Variants in DOK6 observed in about 807,000 individuals in gnomAD.
DOK6 encodes docking protein 6.
A neutral mutation model predicts 44.0 loss-of-function variants in DOK6; 22 were observed. The ratio of observed to expected loss-of-function variants is 0.50; its 90% confidence interval spans 0.36 to 0.71. The LOEUF (loss-of-function observed/expected upper bound fraction) is 0.71. Ranked by LOEUF, DOK6 falls within the 30% of genes least tolerant of loss-of-function variation. The pLI, the probability that DOK6 is intolerant of heterozygous loss-of-function variation, is 0.00. For missense variants in DOK6, 340 were observed against 416.4 expected (o/e 0.82, Z 1.60); for synonymous variants, 166 against 145.5 (o/e 1.14, Z -1.01).
intron 3 of DOK6, among the ~76,000 whole-genome samples, chr18:69,617,730 G>GAAAGAAAGAAAGAAAGAAAGAA: frequency 1.1e-5 from 1 of 88,872 alleles, no homozygotes; most frequent in South Asian, 5.1e-4. Flanking sequence ...AAAGAAAAAA[G>GAAAGAAAGAAAGAAAGAAAGAA]GGGGAAGGAG....
chr18:69,688,084 C>T (rs1284043847), intron 4 of DOK6, among the ~76,000 whole-genome samples: 5 of 151,846 alleles, frequency 3.3e-5, no homozygotes, highest in African/African-American at 1.2e-4. Flanking sequence ...TATTAAAATA[C>T]CTTTTATAAA....
At chr18:69,796,160 A>G (rs1477829418) in intron 7 of DOK6, among the ~76,000 whole-genome samples, 2 of 152,210 alleles carry the variant, frequency 1.3e-5, no homozygotes, top group Non-Finnish European at 2.9e-5. Context: ...AGGTGAGCTC[A>G]GTAACAGCGT....
chr18:69,622,835 G>C (rs931912823), intron 3 of DOK6, among the ~76,000 whole-genome samples: 3 of 152,078 alleles, frequency 2.0e-5, no homozygotes, highest in African/African-American at 7.2e-5. Context: ...GAAAGATAAG[G>C]ATTTATAGGA....
At chr18:69,758,958 G>A (rs371035021) in intron 7 of DOK6, among the ~76,000 whole-genome samples, 1 of 152,146 alleles carries the variant, frequency 6.6e-6, no homozygotes, top group African/African-American at 2.4e-5. Context: ...AATGGAGTTC[G>A]ATCATGGAAA....
At chr18:69,517,458 G>T (rs908695174) in intron 1 of DOK6, among the ~76,000 whole-genome samples, 8 of 152,188 alleles carry the variant, frequency 5.3e-5, no homozygotes, top group African/African-American at 1.9e-4. Flanking sequence ...GACATTCTAG[G>T]CTCTATTTGA....
intron 5 of DOK6, chr18:69,725,052 C>T (rs950265618): frequency 6.6e-6 from 1 of 152,210 alleles, no homozygotes; most frequent in South Asian, 2.1e-4. Context: ...ATGATTCATT[C>T]ATTTCTACCA....
chr18:69,695,786 A>G (rs1986375562), intron 4 of DOK6, among the ~76,000 whole-genome samples: 1 of 152,250 alleles, frequency 6.6e-6, no homozygotes. Context: ...TTGAAAATTG[A>G]AAATATAAAT....
At position 69,533,532 on chromosome 18, in the gene DOK6, G is replaced by A. The variant is rs184093476; in HGVS notation, c.67-30955G>A. On this transcript the variant is annotated intron_variant, in intron 1 of 7. Transcript: ENST00000382713. ...TATAAGTATTAATCTGACAACTGCA[G>A]GAAAGGAACTTTAGTAATTGTTTTA... Among the ~76,000 whole-genome samples, 9 of 152,134 alleles carry A rather than the reference G, an allele frequency of 5.9e-5. No individual in the cohort carries two copies. In the East Asian group the frequency reaches 1.5e-3, roughly 26 times the overall value.
intron 1 of DOK6, among the ~76,000 whole-genome samples, chr18:69,413,201 T>C (rs1978313568): frequency 6.6e-6 from 1 of 152,144 alleles, no homozygotes; most frequent in African/African-American, 2.4e-5. Context: ...ATATAATTGA[T>C]AAAACAGCAT....
rs533352653 is a variant in DOK6 at position 69,847,420 on chromosome 18, G to C, written c.*6037G>C. 2.0e-5 allele frequency: 3 copies of C among 152,244 alleles called. No homozygotes were observed. The South Asian group carries it at 6.2e-4, about 32-fold the overall frequency. The allele number at this position is 152,244 out of a possible 1,614,324, so 9.4% of individuals were successfully genotyped here. On this transcript the variant is annotated 3_prime_UTR_variant, in exon 8 of 8. Coordinates refer to ENST00000382713, the MANE Select transcript of DOK6 (RefSeq NM_152721.6). ...TGAATTGTTCTATTAATTCCCTCAAGAGACCCACAGCCTCAAAAGAGTTGC... is the reference window on the plus strand; with the variant it reads ...TGAATTGTTCTATTAATTCCCTCAACAGACCCACAGCCTCAAAAGAGTTGC...
intron 1 of DOK6, among the ~76,000 whole-genome samples, chr18:69,412,406 C>G (rs1978310129): frequency 6.6e-6 from 1 of 152,044 alleles, no homozygotes; most frequent in Non-Finnish European, 1.5e-5. Flanking sequence ...AATTATTTTA[C>G]TTTTGAGGGT....
chr18:69,644,443 G>A (rs1985019847), intron 3 of DOK6, among the ~76,000 whole-genome samples: 1 of 152,104 alleles, frequency 6.6e-6, no homozygotes, highest in Admixed American at 6.6e-5. Flanking sequence ...TGTAGAAGTT[G>A]TGAGGTTTAA....
chr18:69,496,914 G>T (rs909858733), intron 1 of DOK6, among the ~76,000 whole-genome samples: 72 of 152,268 alleles, frequency 4.7e-4, no homozygotes, highest in Non-Finnish European at 8.1e-4. Flanking sequence ...AAATAATATG[G>T]AGTCAGGAAT....
chr18:69,615,593 A>G (rs760462657), intron 3 of DOK6, among the ~76,000 whole-genome samples: 1 of 152,250 alleles, frequency 6.6e-6, no homozygotes, highest in Non-Finnish European at 1.5e-5. Flanking sequence ...GGAAAGCTAT[A>G]TAGCAATGTC....
chr18:69,636,364 C>T (rs1003691227), intron 3 of DOK6, among the ~76,000 whole-genome samples: 1 of 152,156 alleles, frequency 6.6e-6, no homozygotes. Flanking sequence ...CACAGACCCC[C>T]TTGTCACACG....
At chr18:69,655,885 A>G (rs1017099541) in intron 3 of DOK6, among the ~76,000 whole-genome samples, 3 of 152,010 alleles carry the variant, frequency 2.0e-5, no homozygotes, top group African/African-American at 7.2e-5. Context: ...AAGAGTAAGA[A>G]TGTCCACCAT....
chr18:69,841,198 C>A, intron 7 of DOK6, 46 bp from the exon 8 acceptor site: 1 of 1,610,628 alleles, frequency 6.2e-7, no homozygotes, highest in Non-Finnish European at 8.5e-7. Context: ...ATCTTTTGTG[C>A]TTCTGAATCT....
intron 3 of DOK6, among the ~76,000 whole-genome samples, chr18:69,674,825 C>CT (rs1231079281): frequency 6.6e-6 from 1 of 152,112 alleles, no homozygotes; most frequent in Non-Finnish European, 1.5e-5. Context: ...CCACTAGACT[C>CT]TATGATTATT....
At chr18:69,569,750 A>C (rs897660841) in intron 2 of DOK6, among the ~76,000 whole-genome samples, 7 of 152,218 alleles carry the variant, frequency 4.6e-5, no homozygotes, top group African/African-American at 1.7e-4. Context: ...TCTACCATAA[A>C]GGCACATGCA....
Sources: gnomAD v4.1 joint callset for allele counts (sites outside exome capture counted in the v4.1 genomes callset) on GRCh38, gnomAD v4.1.1 for gene constraint, MANE v1.5 for transcripts, NCBI Gene and HGNC (gene_info 2026-07-23, HGNC 2026-07-21) for gene names.